The following SRRM3 variants were observed in gnomAD, a reference collection of about 807,000 sequenced individuals.
SRRM3 encodes the protein serine/arginine repetitive matrix protein 3.
SRRM3 carries 27 observed loss-of-function variants against 66.2 expected under a neutral mutation model. That is an observed-to-expected ratio of 0.41 (90% CI 0.30 to 0.56). SRRM3 has a LOEUF of 0.56. Ranked by LOEUF, SRRM3 falls within the 20% of genes least tolerant of loss-of-function variation. The pLI is 0.32. For missense variants in SRRM3, 918 were observed against 991.9 expected, an observed-to-expected ratio of 0.93 and a Z score of 1.00; for synonymous variants, 391 against 414.9, an observed-to-expected ratio of 0.94 and a Z score of 0.70.
At chr7:76,240,179 C>T (rs1047027274) in intron 2 of SRRM3, among the ~76,000 whole-genome samples, 1 of 148,794 alleles carries the variant, frequency 6.7e-6, no homozygotes, top group South Asian at 2.1e-4. Context: ...ATAATAATAA[C>T]AATAATAATA....
chr7:76,257,276 C>T (rs971347555), intron 3 of SRRM3, among the ~76,000 whole-genome samples: 2 of 151,792 alleles, frequency 1.3e-5, no homozygotes, highest in Admixed American at 1.3e-4. Flanking sequence ...AAGGGGTGAG[C>T]CAGGTGGACA....
intron 3 of SRRM3, among the ~76,000 whole-genome samples, chr7:76,249,836 C>T (rs540238755): frequency 2.6e-5 from 4 of 151,836 alleles, no homozygotes; most frequent in Non-Finnish European, 5.9e-5. Flanking sequence ...CACTTGAACC[C>T]GCCTCAGAAC....
chr7:76,249,614 T>C (rs1181002149), intron 3 of SRRM3, among the ~76,000 whole-genome samples: 1 of 152,224 alleles, frequency 6.6e-6, no homozygotes, highest in Non-Finnish European at 1.5e-5. Context: ...CCTGGGATTG[T>C]CCAGCCATTG....
At chr7:76,230,056 T>TA (rs1162570266) in intron 1 of SRRM3, among the ~76,000 whole-genome samples, 1 of 152,070 alleles carries the variant, frequency 6.6e-6, no homozygotes. Context: ...TTCACCTTCT[T>TA]AGATTCTTCC....
Position 76,217,714 on chromosome 7 carries a change from C to G in SRRM3, c.-40+15647C>G, listed in dbSNP as rs1347890682. 2.0e-5 allele frequency among the ~76,000 whole-genome samples: 3 copies of G among 152,206 alleles called. No individual in the cohort carries two copies. The East Asian group carries it at 5.8e-4, about 29-fold the overall frequency. On this transcript the variant is annotated intron_variant, in intron 1 of 14. Transcript: ENST00000611745. ...GGCAGGAGGGGTCTAGGCAGTATGG[C>G]TTGCCCAGCAGGATATTGATAAGAT...
At chr7:76,247,967 T>G (rs1016616286) in intron 2 of SRRM3, among the ~76,000 whole-genome samples, 16 of 152,186 alleles carry the variant, frequency 1.1e-4, no homozygotes, top group African/African-American at 3.9e-4. Flanking sequence ...AGTGCTGGGA[T>G]TACAGGCGAG....
chr7:76,228,243 C>G (rs1800928437), intron 1 of SRRM3, among the ~76,000 whole-genome samples: 1 of 152,020 alleles, frequency 6.6e-6, no homozygotes, highest in Non-Finnish European at 1.5e-5. Flanking sequence ...CTTTTTTGAA[C>G]TGAGCTGAAA....
intron 11 of SRRM3, chr7:76,269,466 C>T (rs1554610221): frequency 1.3e-5 from 2 of 151,652 alleles, no homozygotes; most frequent in African/African-American, 2.4e-5. Flanking sequence ...GGAGAGGGGT[C>T]CCAGACTTTA....
rs782801115 is a variant in SRRM3, at chr7:76,248,201, G to A, written c.247G>A (p.Glu83Lys). The change falls in exon 3 of 15, where the codon GAG becomes AAG. Residue 83 changes from glutamate (E) to lysine (K), a missense_variant. Physicochemically the swap from Glu to Lys is moderately conservative, Grantham distance 56. Coordinates refer to ENST00000611745, the MANE Select transcript of SRRM3 (RefSeq NM_001110199.3). Reference sequence around the variant, plus strand: ...GTGCCCCTGCAGGTATTCGGAGGAGGAGATTCGGCAGAAAGTGGGGACATT... The same window carrying A: ...GTGCCCCTGCAGGTATTCGGAGGAGAAGATTCGGCAGAAAGTGGGGACATT... The part of the protein sequence containing the change: ...MMEEQGYSEE[E>K]IRQKVGTFRQ... The A allele has an allele frequency of 2.5e-6, 4 of 1,613,516 alleles. No individual in the cohort carries two copies. Among genetic ancestry groups the A allele is most frequent in the Non-Finnish European group, 3.4e-6 (4 of 1,179,748 alleles).
At position 76,235,203 on chromosome 7, in the gene SRRM3, T is replaced by C. The variant is rs782297522; in HGVS notation, c.137T>C (p.Leu46Pro). 4 of 1,550,814 alleles carry C rather than the reference T, an allele frequency of 2.6e-6. No homozygotes were observed. In the South Asian group the frequency reaches 3.5e-5, roughly 14 times the overall value. The part of the protein sequence containing the change: ...EEELRAAEPG[L>P]VKRAHREILD... ...GAGCTGCGCGCCGCGGAGCCGGGCCTGGTGAAGCGCGCGCACCGCGAGATC... is the reference window on the plus strand; with the variant it reads ...GAGCTGCGCGCCGCGGAGCCGGGCCCGGTGAAGCGCGCGCACCGCGAGATC... Residue 46 changes from leucine to proline, a missense_variant, in exon 2 of 15, where the codon CTG becomes CCG. Coordinates refer to ENST00000611745, the MANE Select transcript of SRRM3 (RefSeq NM_001110199.3).
intron 11 of SRRM3, among the ~76,000 whole-genome samples, chr7:76,276,954 C>T (rs372699505): frequency 7.2e-5 from 11 of 152,326 alleles, no homozygotes; most frequent in South Asian, 6.2e-4. Context: ...GCAAAGACTC[C>T]GCTTATCCTC....
intron 11 of SRRM3, among the ~76,000 whole-genome samples, 159 bp from the exon 12 acceptor site, chr7:76,281,282 T>C (rs1802496312): frequency 6.6e-6 from 1 of 151,232 alleles, no homozygotes. Flanking sequence ...CTCTCCTCTC[T>C]TTCTGTCTCT....
intron 1 of SRRM3, among the ~76,000 whole-genome samples, chr7:76,234,277 C>G (rs1801085894): frequency 6.6e-6 from 1 of 151,152 alleles, no homozygotes; most frequent in Non-Finnish European, 1.5e-5. Flanking sequence ...AGCTCCAAGC[C>G]AAGTTGACTC....
chr7:76,262,306 C>G (rs1174293643), intron 8 of SRRM3, among the ~76,000 whole-genome samples: 2 of 151,068 alleles, frequency 1.3e-5, no homozygotes, highest in Non-Finnish European at 3.0e-5. Flanking sequence ...AGGAGTTTGA[C>G]ACCAGCCTGG....
intron 10 of SRRM3, 76 bp from the exon 11 acceptor site, chr7:76,267,182 G>C: frequency 7.5e-7 from 1 of 1,329,524 alleles, no homozygotes; most frequent in Non-Finnish European, 9.9e-7. Context: ...GGGGAAGGGG[G>C]AAAGAGGAGG....
intron 11 of SRRM3, among the ~76,000 whole-genome samples, chr7:76,278,103 ACTGGCTGC>A (rs1332846428): frequency 3.9e-5 from 6 of 152,204 alleles, no homozygotes; most frequent in Non-Finnish European, 8.8e-5. Context: ...GTTCTGGGGC[ACTGGCTGC>A]CTGGCTGCCT....
intron 1 of SRRM3, among the ~76,000 whole-genome samples, chr7:76,221,658 C>T (rs937704073): frequency 3.9e-5 from 6 of 152,202 alleles, no homozygotes; most frequent in Non-Finnish European, 7.4e-5. Context: ...CACCGCGCCC[C>T]GCACCTGCCC....
At chr7:76,220,722 A>G (rs1800687232) in intron 1 of SRRM3, among the ~76,000 whole-genome samples, 1 of 152,234 alleles carries the variant, frequency 6.6e-6, no homozygotes. Context: ...ACAGAGCTGC[A>G]GTGCCCGCAC....
At chr7:76,266,431 T>A (rs1467497089) in intron 10 of SRRM3, among the ~76,000 whole-genome samples, 10 of 112,040 alleles carry the variant, frequency 8.9e-5, no homozygotes, top group African/African-American at 3.4e-4. Flanking sequence ...TATCTATATA[T>A]AAATATAGAT....
Sources: allele counts gnomAD v4.1 joint callset (sites outside exome capture counted in the v4.1 genomes callset), GRCh38; gene constraint gnomAD v4.1.1; transcripts MANE v1.5; gene names NCBI Gene and HGNC (gene_info 2026-07-23, HGNC 2026-07-21).